PITPNB: variants seen among roughly 807,000 people sequenced by gnomAD.
PITPNB encodes the protein phosphatidylinositol transfer protein beta.
Under a neutral mutation model 45.9 loss-of-function variants are expected in PITPNB, and 16 were observed. That is an observed-to-expected ratio of 0.35 (90% CI 0.24 to 0.53). The LOEUF is 0.53. Among genes scored for constraint, PITPNB ranks in the 20% least tolerant of loss-of-function variants. The pLI is 0.93. For missense variants in PITPNB, 188 were observed against 330.5 expected (o/e 0.57, Z 3.34); for synonymous variants, 112 against 108.9 (o/e 1.03, Z -0.18).
intron 8 of PITPNB, among the ~76,000 whole-genome samples, chr22:27,866,132 T>G (rs1344233391): frequency 6.6e-6 from 1 of 152,144 alleles, no homozygotes; most frequent in African/African-American, 2.4e-5. Flanking sequence ...AAGAGAACAA[T>G]CAAAAGTTCT....
intron 4 of PITPNB, 72 bp from the exon 5 acceptor site, chr22:27,897,209 T>C: frequency 1.0e-6 from 1 of 961,410 alleles, no homozygotes; most frequent in Middle Eastern, 2.1e-4. Flanking sequence ...CAAAACAATC[T>C]GTCCCAATAC....
At chr22:27,898,380 GA>G (rs1047098994) in intron 3 of PITPNB, among the ~76,000 whole-genome samples, 4 of 144,802 alleles carry the variant, frequency 2.8e-5, no homozygotes, top group African/African-American at 7.6e-5. Flanking sequence ...GTCTCACAAG[GA>G]AAAAAAAAAT....
At chr22:27,915,410 T>C (rs1353213432) in intron 1 of PITPNB, among the ~76,000 whole-genome samples, 1 of 152,194 alleles carries the variant, frequency 6.6e-6, no homozygotes, top group Non-Finnish European at 1.5e-5. Flanking sequence ...TTTTTAATAG[T>C]CTTTCTTATT....
Position 27,858,525 on chromosome 22 carries a change from C to T in PITPNB, c.646-16G>A. ...GTTTTTCTTGCTTTTAAAACAACAA[C>T]AAAAAAGTAGCATAAGATGACAAAA... is the stretch of plus-strand genomic sequence containing the variant. On this transcript the variant is annotated splice_polypyrimidine_tract_variant and intron_variant, in intron 9 of 11. Coordinates refer to ENST00000335272, the MANE Select transcript of PITPNB (RefSeq NM_012399.5). 6 of 1,597,846 alleles carry T rather than the reference C, an allele frequency of 3.8e-6. No individual in the cohort carries two copies. The highest frequency in any genetic ancestry group is 1.3e-5 in the African/African-American group (1 of 74,154).
intron 8 of PITPNB, among the ~76,000 whole-genome samples, chr22:27,864,450 T>TAC (rs1934424164): frequency 6.6e-6 from 1 of 152,218 alleles, no homozygotes; most frequent in African/African-American, 2.4e-5. Flanking sequence ...TCCTACCCTG[T>TAC]ACCCTGTAAC....
chr22:27,917,518 C>T (rs1936118076), intron 1 of PITPNB, among the ~76,000 whole-genome samples: 1 of 152,168 alleles, frequency 6.6e-6, no homozygotes. Context: ...GTATAAACGA[C>T]TTGGAAGAAA....
chr22:27,857,535 C>A (rs199929609), intron 10 of PITPNB, among the ~76,000 whole-genome samples: 1 of 152,152 alleles, frequency 6.6e-6, no homozygotes, highest in African/African-American at 2.4e-5. Flanking sequence ...CTGCCTCACA[C>A]GCAGGCGTCT....
At chr22:27,860,335 T>C (rs1359697031) in intron 8 of PITPNB, 94 bp from the exon 9 acceptor site, 4 of 685,994 alleles carry the variant, frequency 5.8e-6, no homozygotes, top group African/African-American at 5.4e-5. Flanking sequence ...TAGACATACA[T>C]GAAGAAAATT....
At chr22:27,902,280 CTT>C (rs1429919484) in intron 3 of PITPNB, among the ~76,000 whole-genome samples, 4 of 152,096 alleles carry the variant, frequency 2.6e-5, no homozygotes, top group South Asian at 4.1e-4. Flanking sequence ...CAGCAAAAGA[CTT>C]AACGTGCTTG....
At chr22:27,887,367 C>T (rs940763771) in intron 7 of PITPNB, among the ~76,000 whole-genome samples, 1 of 152,174 alleles carries the variant, frequency 6.6e-6, no homozygotes, top group African/African-American at 2.4e-5. Context: ...GGATCATTCC[C>T]TGTTTACAAA....
At chr22:27,918,571 T>C (rs1452077223) in intron 1 of PITPNB, among the ~76,000 whole-genome samples, 1 of 152,170 alleles carries the variant, frequency 6.6e-6, no homozygotes, top group Admixed American at 6.5e-5. Context: ...TCTTAAAACA[T>C]GCGGAAACCA....
intron 11 of PITPNB, among the ~76,000 whole-genome samples, chr22:27,854,043 T>G (rs1221615365): frequency 1.3e-5 from 2 of 152,118 alleles, no homozygotes; most frequent in African/African-American, 4.8e-5. Flanking sequence ...ACTGAACATT[T>G]CATTCATCCC....
At chr22:27,893,427 G>A (rs1273322230) in intron 7 of PITPNB, among the ~76,000 whole-genome samples, 1 of 151,316 alleles carries the variant, frequency 6.6e-6, no homozygotes, top group South Asian at 2.1e-4. Flanking sequence ...TGGGACTATA[G>A]GCGCCCACCA....
chr22:27,905,722 G>A (rs1457105340), intron 3 of PITPNB, among the ~76,000 whole-genome samples: 3 of 152,190 alleles, frequency 2.0e-5, no homozygotes, highest in African/African-American at 7.2e-5. Flanking sequence ...CATCAATCAG[G>A]ACTGACTGAA....
intron 7 of PITPNB, among the ~76,000 whole-genome samples, chr22:27,879,712 G>A (rs931849674): frequency 2.0e-5 from 3 of 152,122 alleles, no homozygotes; most frequent in African/African-American, 7.2e-5. Context: ...TACCTGAAAT[G>A]TAAGTGATAC....
intron 8 of PITPNB, among the ~76,000 whole-genome samples, chr22:27,864,375 T>C (rs184996480): frequency 4.6e-5 from 7 of 152,340 alleles, no homozygotes; most frequent in Non-Finnish European, 1.0e-4. Flanking sequence ...AAGAATCCTT[T>C]TGGTATCTTC....
At chr22:27,900,145 A>C (rs953566628) in intron 3 of PITPNB, among the ~76,000 whole-genome samples, 1 of 152,004 alleles carries the variant, frequency 6.6e-6, no homozygotes, top group Non-Finnish European at 1.5e-5. Context: ...GGGTGCAGTG[A>C]GCTGAGATCA....
At chr22:27,863,615 A>C (rs1010834829) in intron 8 of PITPNB, among the ~76,000 whole-genome samples, 1 of 152,188 alleles carries the variant, frequency 6.6e-6, no homozygotes, top group Non-Finnish European at 1.5e-5. Flanking sequence ...TTACAACTTC[A>C]AATCATTGGA....
intron 7 of PITPNB, among the ~76,000 whole-genome samples, chr22:27,875,746 A>G (rs1934802913): frequency 6.6e-6 from 1 of 152,224 alleles, no homozygotes; most frequent in Non-Finnish European, 1.5e-5. Context: ...AGAAGGTAGC[A>G]CACCAGACGT....
Sources: gnomAD v4.1 joint callset for allele counts (sites outside exome capture counted in the v4.1 genomes callset) on GRCh38, gnomAD v4.1.1 for gene constraint, MANE v1.5 for transcripts, NCBI Gene and HGNC (gene_info 2026-07-23, HGNC 2026-07-21) for gene names.